The following ITGB1 variants were observed in gnomAD, a reference collection of about 807,000 sequenced individuals.
ITGB1 encodes the protein integrin beta-1.
A neutral mutation model predicts 86.5 loss-of-function variants in ITGB1; 24 were observed. The observed-to-expected ratio is 0.28, with a 90% confidence interval of 0.20 to 0.39. The LOEUF (loss-of-function observed/expected upper bound fraction) is 0.39. Among genes scored for constraint, ITGB1 ranks in the 10% least tolerant of loss-of-function variants. ITGB1 has a pLI of 1.00. For synonymous variants in ITGB1, 323 were observed against 316.8 expected, an observed-to-expected ratio of 1.02 and a Z score of -0.21; for missense variants, 556 against 946.9, an observed-to-expected ratio of 0.59 and a Z score of 5.42.
chr10:32,911,717 A>G (rs1326099839), intron 12 of ITGB1, 47 bp from the exon 13 acceptor site: 1 of 1,583,064 alleles, frequency 6.3e-7, no homozygotes, highest in African/African-American at 1.3e-5. Flanking sequence ...ATATACAATC[A>G]CAGTATTGAC....
intron 3 of ITGB1, among the ~76,000 whole-genome samples, chr10:32,930,335 A>G (rs1416375756): frequency 6.6e-6 from 1 of 152,178 alleles, no homozygotes; most frequent in East Asian, 1.9e-4. Context: ...TCTTTAGTGA[A>G]ATCACTAATT....
intron 15 of ITGB1, 37 bp downstream of exon 15, chr10:32,908,331 A>T: frequency 2.5e-6 from 4 of 1,594,282 alleles, no homozygotes; most frequent in Non-Finnish European, 3.4e-6. Flanking sequence ...CATTTACTTT[A>T]TAAGCCACTT....
chr10:32,923,661 T>C lies in ITGB1; in HGVS notation c.866A>G (p.Lys289Arg). 6.2e-7 allele frequency: 1 copy of C among 1,613,952 alleles called. No individual in the cohort carries two copies. Among genetic ancestry groups the C allele is most frequent in the African/African-American group, 1.3e-5 (1 of 75,036 alleles). The change falls in exon 7 of 16, where the codon AAA (lysine) becomes AGA (arginine). Residue 289 changes from lysine (K) to arginine (R), a missense_variant. By Grantham distance (26) the Lys-to-Arg change is conservative. Around this residue, in one of 4 missense-constraint regions of ITGB1, gnomAD observed 25 missense variants for 76.3 expected, o/e 0.33. Transcript: ENST00000302278. ...ATTTGGTAAAACAATGCCACCAAGT[T>C]TCCCATCTCCAGCAAAGTGAAACCC... ...DAGFHFAGDG[K>R]LGGIVLPNDG...
intron 11 of ITGB1, among the ~76,000 whole-genome samples, chr10:32,916,800 C>A (rs61291714): frequency 6.6e-6 from 1 of 152,144 alleles, no homozygotes; most frequent in Non-Finnish European, 1.5e-5. Flanking sequence ...CCATCCCCAT[C>A]AAGCTACCAA....
intron 6 of ITGB1, among the ~76,000 whole-genome samples, 190 bp from the exon 7 acceptor site, chr10:32,923,930 T>C (rs545762325): frequency 4.6e-5 from 7 of 152,352 alleles, no homozygotes; most frequent in African/African-American, 1.2e-4. Flanking sequence ...TTCCATCCCA[T>C]GTACAACGAT....
intron 1 of ITGB1, among the ~76,000 whole-genome samples, chr10:32,940,280 G>A (rs2095015189): frequency 6.6e-6 from 1 of 151,508 alleles, no homozygotes; most frequent in Non-Finnish European, 1.5e-5. Flanking sequence ...AGGAGATGGA[G>A]GTTACAGTGC....
At chr10:32,938,874 A>C (rs1264262206) in intron 1 of ITGB1, among the ~76,000 whole-genome samples, 1 of 152,196 alleles carries the variant, frequency 6.6e-6, no homozygotes, top group Non-Finnish European at 1.5e-5. Context: ...AGAGGAGACC[A>C]CAGTTAGAAG....
At chr10:32,912,834 C>T (rs2488323) in intron 11 of ITGB1, among the ~76,000 whole-genome samples, 91,198 of 152,066 alleles carry the variant, frequency 0.6, 31,171 homozygotes, top group Non-Finnish European at 0.76. Flanking sequence ...AGCACGGAGT[C>T]TGACATCTGA....
rs891607347 is a variant in ITGB1 at position 32,907,212 on chromosome 10, C to G, written c.2331+1156G>C. 3 of 492,528 alleles carry G rather than the reference C, an allele frequency of 6.1e-6. No individual in the cohort carries two copies. In the Admixed American group the frequency reaches 1.0e-4, roughly 17 times the overall value. The allele number at this position is 492,528 out of a possible 1,614,324, so 30.5% of individuals were successfully genotyped here. On this transcript the variant is annotated intron_variant, in intron 15 of 15. Transcript: ENST00000302278. ...AAAATCCCTTTATAGTGTTTGAACA[C>G]TATAAATGTCTTTTTTTTTATTTCT...
chr10:32,917,043 C>G (rs1328813306), intron 11 of ITGB1, among the ~76,000 whole-genome samples: 1 of 152,282 alleles, frequency 6.6e-6, no homozygotes, highest in Admixed American at 6.5e-5. Context: ...TACCACACAT[C>G]TACAACCATC....
At chr10:32,923,956 C>G (rs960906586) in intron 6 of ITGB1, among the ~76,000 whole-genome samples, 2 of 152,118 alleles carry the variant, frequency 1.3e-5, no homozygotes, top group African/African-American at 4.8e-5. Context: ...GCCTGACCAT[C>G]CGTATCTCTC....
intron 11 of ITGB1, among the ~76,000 whole-genome samples, chr10:32,914,711 T>C (rs536791654): frequency 1.3e-5 from 2 of 152,178 alleles, no homozygotes; most frequent in Admixed American, 1.3e-4. Context: ...CACACAATAA[T>C]AATGGGAGAC....
At chr10:32,912,176 G>A in intron 11 of ITGB1, 52 bp from the exon 12 acceptor site, 1 of 1,492,554 alleles carries the variant, frequency 6.7e-7, no homozygotes, top group East Asian at 2.3e-5. Flanking sequence ...TAATTTAAGA[G>A]GTTCCAAGAT....
At chr10:32,948,971 G>GGAAAAAAAAAAAAAA (rs2095037493) in intron 1 of ITGB1, among the ~76,000 whole-genome samples, 2 of 121,384 alleles carry the variant, frequency 1.6e-5, no homozygotes, top group Non-Finnish European at 3.6e-5. Flanking sequence ...GTGGATTACT[G>GGAAAAAAAAAAAAAA]AAAAAAAAAA....
At chr10:32,954,152 C>T (rs988166866) in intron 1 of ITGB1, among the ~76,000 whole-genome samples, 4 of 151,932 alleles carry the variant, frequency 2.6e-5, no homozygotes, top group African/African-American at 9.7e-5. Flanking sequence ...TTTTTTTAAG[C>T]TCTCAATCTG....
At chr10:32,915,214 G>GA (rs1220448365) in intron 11 of ITGB1, among the ~76,000 whole-genome samples, 1 of 152,166 alleles carries the variant, frequency 6.6e-6, no homozygotes. Context: ...GAGAAAGCAG[G>GA]AAAGATCTAA....
intron 1 of ITGB1, among the ~76,000 whole-genome samples, chr10:32,938,137 G>C (rs1593879279): frequency 6.6e-6 from 1 of 152,312 alleles, no homozygotes; most frequent in East Asian, 1.9e-4. Context: ...AGTGTGAAAT[G>C]CCTACCAAAT....
chr10:32,940,602 C>A (rs1011500231), intron 1 of ITGB1, among the ~76,000 whole-genome samples: 1 of 152,186 alleles, frequency 6.6e-6, no homozygotes, highest in African/African-American at 2.4e-5. Flanking sequence ...TGGTCCATCA[C>A]TGACCGAAAA....
intron 1 of ITGB1, among the ~76,000 whole-genome samples, chr10:32,938,160 G>C (rs1307054550): frequency 6.6e-6 from 1 of 152,100 alleles, no homozygotes; most frequent in Non-Finnish European, 1.5e-5. Flanking sequence ...ACCTTTCAAG[G>C]CCTGTCTAAA....
Sources: gnomAD v4.1 joint callset for allele counts (sites outside exome capture counted in the v4.1 genomes callset) on GRCh38, gnomAD v4.1.1 for gene constraint, gnomAD v4.1.1 regional missense constraint, MANE v1.5 for transcripts, NCBI Gene and HGNC (gene_info 2026-07-23, HGNC 2026-07-21) for gene names.